FRMD5: variants seen among roughly 807,000 people sequenced by gnomAD.
FRMD5 encodes the protein FERM domain containing 5.
FRMD5 carries 20 observed loss-of-function variants against 69.0 expected under a neutral mutation model. The observed-to-expected ratio is 0.29, with a 90% CI of 0.20 to 0.42. FRMD5 has a LOEUF of 0.42. Ranked by LOEUF, FRMD5 falls within the 10% of genes least tolerant of loss-of-function variation. The pLI is 1.00. For missense variants in FRMD5, 595 were observed against 708.6 expected (o/e 0.84, Z 1.82); for synonymous variants, 271 against 260.1 (o/e 1.04, Z -0.40).
intron 1 of FRMD5, among the ~76,000 whole-genome samples, chr15:44,037,101 A>G (rs1281424762): frequency 6.6e-6 from 1 of 152,068 alleles, no homozygotes; most frequent in East Asian, 1.9e-4. Context: ...CCTGTCAACT[A>G]CATTAGGTAT....
chr15:44,077,440 C>T (rs1055743148), intron 1 of FRMD5, among the ~76,000 whole-genome samples: 1 of 151,588 alleles, frequency 6.6e-6, no homozygotes. Context: ...AAAACTAAAC[C>T]AAAACTGTAA....
At chr15:43,895,054 C>T (rs1352835168) in intron 7 of FRMD5, among the ~76,000 whole-genome samples, 1 of 152,076 alleles carries the variant, frequency 6.6e-6, no homozygotes, top group Non-Finnish European at 1.5e-5. Flanking sequence ...AAAGTGCTGG[C>T]ATTACAGACA....
At chr15:43,983,642 C>A (rs1008102859) in intron 1 of FRMD5, among the ~76,000 whole-genome samples, 6 of 152,154 alleles carry the variant, frequency 3.9e-5, no homozygotes, top group Non-Finnish European at 8.8e-5. Context: ...AATCAGGAAA[C>A]CTGAGCTCTA....
At chr15:43,948,340 G>C (rs1034173493) in intron 1 of FRMD5, among the ~76,000 whole-genome samples, 1 of 152,146 alleles carries the variant, frequency 6.6e-6, no homozygotes, top group African/African-American at 2.4e-5. Flanking sequence ...TAGAAGTCTG[G>C]AGTCCTCTTC....
chr15:44,049,137 C>G (rs1427589500), intron 1 of FRMD5, among the ~76,000 whole-genome samples: 1 of 152,202 alleles, frequency 6.6e-6, no homozygotes. Context: ...CAACTGAAAT[C>G]CACAGATGAT....
intron 1 of FRMD5, among the ~76,000 whole-genome samples, chr15:44,024,723 T>C (rs2140263109): frequency 6.6e-6 from 1 of 152,340 alleles, no homozygotes. Context: ...AATACGAATA[T>C]CTTCTCAAAG....
chr15:43,921,197 A>G (rs541208803), intron 2 of FRMD5, among the ~76,000 whole-genome samples: 2 of 152,348 alleles, frequency 1.3e-5, no homozygotes, highest in South Asian at 4.1e-4. Context: ...ATGCCTGTGA[A>G]GACGGAGGAG....
At chr15:44,056,765 C>G (rs529771418) in intron 1 of FRMD5, among the ~76,000 whole-genome samples, 6 of 152,146 alleles carry the variant, frequency 3.9e-5, no homozygotes, top group Non-Finnish European at 7.4e-5. Context: ...GTGTGTCAGA[C>G]GCCTCTCCTT....
intron 1 of FRMD5, among the ~76,000 whole-genome samples, chr15:44,117,991 C>CTTTTTTTTTTTTTTTTTTTTTTT (rs747747488): frequency 3.7e-4 from 34 of 92,610 alleles, no homozygotes; most frequent in African/African-American, 6.5e-4. Context: ...TTCTTTTTTA[C>CTTTTTTTTTTTTTTTTTTTTTTT]TTTTTTTTTT....
intron 1 of FRMD5, among the ~76,000 whole-genome samples, chr15:43,998,303 G>C (rs1037059796): frequency 1.3e-5 from 2 of 152,172 alleles, no homozygotes; most frequent in African/African-American, 4.8e-5. Flanking sequence ...TTAGTTGGTA[G>C]GAATGAGTGA....
At chr15:43,938,450 G>C (rs1342910955) in intron 1 of FRMD5, among the ~76,000 whole-genome samples, 6 of 152,110 alleles carry the variant, frequency 3.9e-5, no homozygotes, top group African/African-American at 1.4e-4. Flanking sequence ...CTTTCCAAAC[G>C]CTAGACTCTT....
chr15:44,141,407 G>A (rs970543593), intron 1 of FRMD5, among the ~76,000 whole-genome samples: 1 of 152,136 alleles, frequency 6.6e-6, no homozygotes, highest in African/African-American at 2.4e-5. Flanking sequence ...TTCAGAAACA[G>A]TCAAGTACAT....
At chr15:43,999,216 T>A (rs1172597058) in intron 1 of FRMD5, among the ~76,000 whole-genome samples, 1 of 152,062 alleles carries the variant, frequency 6.6e-6, no homozygotes, top group African/African-American at 2.4e-5. Context: ...TACAGGTGTG[T>A]GCCACCACGC....
intron 1 of FRMD5, among the ~76,000 whole-genome samples, chr15:44,173,336 A>G (rs889401611): frequency 1.3e-5 from 2 of 152,130 alleles, no homozygotes; most frequent in Admixed American, 6.6e-5. Flanking sequence ...TTTTTTCCAT[A>G]GGAAAAAAGT....
At chr15:44,008,089 A>ATTTT (rs35785368) in intron 1 of FRMD5, among the ~76,000 whole-genome samples, 132 of 62,818 alleles carry the variant, frequency 2.1e-3, no homozygotes, top group African/African-American at 4.9e-3. Context: ...ACAATCGGCA[A>ATTTT]TTTTTTTTTT....
chr15:44,106,624 A>G (rs2076722158), intron 1 of FRMD5, among the ~76,000 whole-genome samples: 1 of 151,976 alleles, frequency 6.6e-6, no homozygotes, highest in Non-Finnish European at 1.5e-5. Flanking sequence ...CTCCCCTATC[A>G]CCAGTAACAT....
intron 1 of FRMD5, among the ~76,000 whole-genome samples, chr15:43,965,717 G>A (rs1332340684): frequency 1.3e-5 from 2 of 151,828 alleles, no homozygotes; most frequent in African/African-American, 4.8e-5. Context: ...AAGTAGCTGG[G>A]ATTACAGGCA....
chr15:44,078,883 T>A (rs1308597477), intron 1 of FRMD5, among the ~76,000 whole-genome samples: 3 of 152,104 alleles, frequency 2.0e-5, no homozygotes, highest in Non-Finnish European at 2.9e-5. Context: ...GGAAATTTCT[T>A]AGACCACCAA....
chr15:43,940,631 T>C (rs1381748456), intron 1 of FRMD5, among the ~76,000 whole-genome samples: 1 of 152,226 alleles, frequency 6.6e-6, no homozygotes, highest in Non-Finnish European at 1.5e-5. Flanking sequence ...AAGGGCTGTG[T>C]ATACCATGCT....
Sources: allele counts gnomAD v4.1 joint callset (sites outside exome capture counted in the v4.1 genomes callset), GRCh38; gene constraint gnomAD v4.1.1; transcripts MANE v1.5; gene names NCBI Gene and HGNC (gene_info 2026-07-23, HGNC 2026-07-21).